HEMK1: variants seen among roughly 807,000 people sequenced by gnomAD.
HEMK1 encodes the protein HemK methyltransferase 1, mitochondrial release factors N(5)-glutamine.
Under a neutral mutation model 47.9 loss-of-function variants are expected in HEMK1, and 36 were observed. The observed-to-expected ratio is 0.75, with a 90% confidence interval of 0.58 to 0.99. The LOEUF is 0.99. Ranked by LOEUF, HEMK1 falls within the 50% of genes least tolerant of loss-of-function variation. The probability of loss-of-function intolerance (pLI) is 0.00; values close to 1 mark genes in which losing one functional copy is unlikely to be tolerated. For synonymous variants in HEMK1, 153 were observed against 165.4 expected (o/e 0.93, Z 0.57); for missense variants, 383 against 434.5 (o/e 0.88, Z 1.05).
rs1401233536 is a variant in HEMK1, at chr3:50,580,246, C to G, written c.980+17C>G. On this transcript the variant is annotated intron_variant, in intron 10 of 10. Coordinates refer to ENST00000232854, the MANE Select transcript of HEMK1 (RefSeq NM_016173.5). Reference sequence around the variant, plus strand: ...CTGTGGGAGGTAAGATCCTAGCCCCCTTTAGCCCTGTAGCATGCTGGTCTT... The same window carrying G: ...CTGTGGGAGGTAAGATCCTAGCCCCGTTTAGCCCTGTAGCATGCTGGTCTT... The G allele has an allele frequency of 2.5e-6, 4 of 1,610,978 alleles. No individual in the cohort carries two copies. The highest frequency in any genetic ancestry group is 3.4e-6 in the Non-Finnish European group (4 of 1,177,146).
At position 50,584,509 on chromosome 3, in the gene HEMK1, T is replaced by C. The variant is rs908622354; in HGVS notation, c.*4092T>C. ...AACTGAGTATAATCACAAGGGCCTC[T>C]GTAAAGGAGGCAGGAGTGTCAGAGT... On this transcript the variant is annotated 3_prime_UTR_variant, in exon 11 of 11. Coordinates refer to ENST00000232854, the MANE Select transcript of HEMK1 (RefSeq NM_016173.5). 6.6e-6 allele frequency: 1 copy of C among 152,224 alleles called. No homozygotes were observed. Among genetic ancestry groups the C allele is most frequent in the African/African-American group, 2.4e-5 (1 of 41,448 alleles). 9.4% of individuals were successfully genotyped at this position (152,224 alleles called of 1,614,324 possible).
At chr3:50,569,924 T>A (rs1700728724) in intron 1 of HEMK1, 1 of 152,172 alleles carries the variant, frequency 6.6e-6, no homozygotes, top group South Asian at 2.1e-4. Context: ...AACTTCCGCC[T>A]GCTTGAACTG....
intron 9 of HEMK1, 72 bp from the exon 10 acceptor site, chr3:50,580,044 C>G: frequency 6.5e-7 from 1 of 1,538,224 alleles, no homozygotes; most frequent in Non-Finnish European, 9.0e-7. Context: ...CCTCACCTCG[C>G]CAGCCCAAGC....
intron 4 of HEMK1, 139 bp from the exon 5 acceptor site, chr3:50,576,913 C>T: frequency 2.0e-6 from 2 of 1,024,336 alleles, no homozygotes; most frequent in Non-Finnish European, 2.9e-6. Flanking sequence ...TTGGCCATGC[C>T]CCAGCTGACA....
intron 2 of HEMK1, 68 bp downstream of exon 2, chr3:50,571,400 G>A (rs1485309847): frequency 2.4e-6 from 3 of 1,241,006 alleles, no homozygotes; most frequent in Non-Finnish European, 3.4e-6. Context: ...GGATATCCAG[G>A]TTTTCTGTTC....
At position 50,596,161 on chromosome 3, in the gene HEMK1, A is replaced by G. The variant is rs945045595; in HGVS notation, c.*15744A>G. On this transcript the variant is annotated 3_prime_UTR_variant, in exon 11 of 11. Coordinates refer to ENST00000232854, the MANE Select transcript of HEMK1 (RefSeq NM_016173.5). ...GTGATCAATTTCCAATAAATTGATTAAAGAATTCATGTGCATTCCCATTTT... is the reference window on the plus strand; with the variant it reads ...GTGATCAATTTCCAATAAATTGATTGAAGAATTCATGTGCATTCCCATTTT... 5 of 152,222 alleles carry G rather than the reference A, an allele frequency of 3.3e-5. No individual in the cohort carries two copies. The highest frequency in any genetic ancestry group is 4.8e-5 in the African/African-American group (2 of 41,456). The allele number at this position is 152,222 out of a possible 1,614,324, so 9.4% of individuals were successfully genotyped here.
At position 50,588,440 on chromosome 3, in the gene HEMK1, C is replaced by T. The variant is rs1198627889; in HGVS notation, c.*8023C>T. 4 of 152,258 alleles carry T rather than the reference C, an allele frequency of 2.6e-5. No individual in the cohort carries two copies. The highest frequency in any genetic ancestry group is 1.3e-4 in the Admixed American group (2 of 15,282). 9.4% of individuals were successfully genotyped at this position (152,258 alleles called of 1,614,324 possible). A position where few individuals can be genotyped will look rare whatever the true frequency, so the allele number is the denominator to read the frequency against. ...GGCCAAATGCAGCCCAGGGCCTCAA[C>T]CCCCCAGAGGGGCCTCAGGAGCCAG... On this transcript the variant is annotated 3_prime_UTR_variant, in exon 11 of 11. Transcript: ENST00000232854.
chr3:50,576,462 C>T (rs62262965), intron 4 of HEMK1, among the ~76,000 whole-genome samples: 13,743 of 152,206 alleles, frequency 0.09, 759 homozygotes, highest in Middle Eastern at 0.18. Context: ...TGCAGTGGCG[C>T]GATCCTGATC....
intron 4 of HEMK1, among the ~76,000 whole-genome samples, chr3:50,574,376 C>T (rs928769455): frequency 6.6e-6 from 1 of 152,166 alleles, no homozygotes; most frequent in Admixed American, 6.5e-5. Context: ...GATGAGTTTC[C>T]GGTGCTCTGG....
At chr3:50,578,003 CAT>C in intron 7 of HEMK1, 128 bp downstream of exon 7, 2 of 843,054 alleles carry the variant, frequency 2.4e-6, no homozygotes, top group Non-Finnish European at 2.0e-6. Flanking sequence ...AACACACACA[CAT>C]ACACGTGTGT....
rs569028933 is a variant in HEMK1 at position 50,584,009 on chromosome 3, G to C, written c.*3592G>C. ...TTCCCATGTGGCCCACATCTGACCT[G>C]GCAGCCCATGTATTCCGGTCATTAG... On this transcript the variant is annotated 3_prime_UTR_variant, in exon 11 of 11. Coordinates refer to ENST00000232854, the MANE Select transcript of HEMK1 (RefSeq NM_016173.5). 6.6e-6 allele frequency: 1 copy of C among 152,322 alleles called. No homozygotes were observed. The highest frequency in any genetic ancestry group is 2.1e-4 in the South Asian group (1 of 4,830). 9.4% of individuals were successfully genotyped at this position (152,322 alleles called of 1,614,324 possible).
At chr3:50,574,455 A>C (rs1330734076) in intron 4 of HEMK1, among the ~76,000 whole-genome samples, 1 of 152,156 alleles carries the variant, frequency 6.6e-6, no homozygotes, top group Non-Finnish European at 1.5e-5. Context: ...TACCCTCCCC[A>C]AGGTGGCCAT....
Position 50,584,622 on chromosome 3 carries a change from A to G in HEMK1, c.*4205A>G, listed in dbSNP as rs2031186678. 6.6e-6 allele frequency: 1 copy of G among 152,220 alleles called. No homozygotes were observed. Among genetic ancestry groups the G allele is most frequent in the South Asian group, 2.1e-4 (1 of 4,828 alleles). The allele number at this position is 152,220 out of a possible 1,614,324, so 9.4% of individuals were successfully genotyped here. On this transcript the variant is annotated 3_prime_UTR_variant, in exon 11 of 11. Coordinates refer to ENST00000232854, the MANE Select transcript of HEMK1 (RefSeq NM_016173.5). ...GAGCCATGAGCCGAGGAATGCAGACAGCCTCTTCTCCTCTGGGGCCTCAAG... is the reference window on the plus strand; with the variant it reads ...GAGCCATGAGCCGAGGAATGCAGACGGCCTCTTCTCCTCTGGGGCCTCAAG...
Position 50,588,935 on chromosome 3 carries a change from C to G in HEMK1, c.*8518C>G, listed in dbSNP as rs2031567848. 1 of 152,240 alleles carries G rather than the reference C, an allele frequency of 6.6e-6. No homozygotes were observed. The highest frequency in any genetic ancestry group is 2.1e-4 in the South Asian group (1 of 4,834). The allele number at this position is 152,240 out of a possible 1,614,324, so 9.4% of individuals were successfully genotyped here. On this transcript the variant is annotated 3_prime_UTR_variant, in exon 11 of 11. Transcript: ENST00000232854. ...GCCACTGTTTCTTCATCATTTCACT[C>G]AGCCCGCCTGTCTCAGCCCCCCAGA...
intron 4 of HEMK1, among the ~76,000 whole-genome samples, chr3:50,572,998 C>T (rs796293483): frequency 6.6e-6 from 1 of 152,210 alleles, no homozygotes; most frequent in South Asian, 2.1e-4. Flanking sequence ...ACAAACATTT[C>T]TGGGAAAGGT....
At chr3:50,577,267 G>A in intron 5 of HEMK1, 81 bp downstream of exon 5, 1 of 1,483,412 alleles carries the variant, frequency 6.7e-7, no homozygotes, top group African/African-American at 1.4e-5. Context: ...ACATCCCTCT[G>A]CTAGGAGCGC....
chr3:50,579,187 G>T (rs1202094008), intron 8 of HEMK1, among the ~76,000 whole-genome samples: 1 of 152,324 alleles, frequency 6.6e-6, no homozygotes, highest in Non-Finnish European at 1.5e-5. Flanking sequence ...GAGAGGTAGT[G>T]CTCTGCAGGG....
Position 50,593,400 on chromosome 3 carries a change from G to A in HEMK1, c.*12983G>A, listed in dbSNP as rs2031820336. The A allele has an allele frequency of 6.6e-6, 1 of 152,158 alleles. No homozygotes were observed. The highest frequency in any genetic ancestry group is 1.5e-5 in the Non-Finnish European group (1 of 68,046). 9.4% of individuals were successfully genotyped at this position (152,158 alleles called of 1,614,324 possible). A position where few individuals can be genotyped will look rare whatever the true frequency, so the allele number is the denominator to read the frequency against. ...GATTTGGTGGGCTAAGGGTGGGCAG[G>A]AGAATACAACTCACAGCCAAGCGGA... On this transcript the variant is annotated 3_prime_UTR_variant, in exon 11 of 11. Transcript: ENST00000232854.
rs941193406 is a variant in HEMK1, at chr3:50,592,743, C to T, written c.*12326C>T. On this transcript the variant is annotated 3_prime_UTR_variant, in exon 11 of 11. Coordinates refer to ENST00000232854, the MANE Select transcript of HEMK1 (RefSeq NM_016173.5). ...ACAGAGCCTCTGCCAGAGTCACCAC[C>T]TGCCCCCAACCCTACTTCTCCTCCG... The T allele has an allele frequency of 6.6e-6, 1 of 152,470 alleles. No individual in the cohort carries two copies. The highest frequency in any genetic ancestry group is 2.4e-5 in the African/African-American group (1 of 41,462). The allele number at this position is 152,470 out of a possible 1,614,324, so 9.4% of individuals were successfully genotyped here.
Sources: allele counts gnomAD v4.1 joint callset (sites outside exome capture counted in the v4.1 genomes callset), GRCh38; gene constraint gnomAD v4.1.1; transcripts MANE v1.5; gene names NCBI Gene and HGNC (gene_info 2026-07-23, HGNC 2026-07-21).